The following MSRA variants were observed in gnomAD, a reference collection of about 807,000 sequenced individuals.
MSRA encodes the protein methionine sulfoxide reductase A.
MSRA carries 54 observed loss-of-function variants against 31.3 expected under a neutral mutation model. That is an observed-to-expected ratio of 1.73 (90% CI 1.39 to 2.17). MSRA has a LOEUF of 2.17. MSRA is among the 30% of genes most tolerant of loss of function. The pLI, the probability that MSRA is intolerant of heterozygous loss-of-function variation, is 0.00. For missense variants in MSRA, 507 were observed against 300.9 expected (o/e 1.69, Z -5.07); for synonymous variants, 169 against 116.5 (o/e 1.45, Z -2.90).
rs77770926 is a variant in MSRA at position 10,182,723 on chromosome 8, G to T, written c.143-25110G>T. 6.4e-3 allele frequency among the ~76,000 whole-genome samples: 975 copies of T among 152,250 alleles called. 10 individuals carry two copies. Among genetic ancestry groups the T allele is most frequent in the Non-Finnish European group, 0.011 (776 of 68,002 alleles). Reference sequence around the variant, plus strand: ...GGCTCAGGGCCTCATTTCCTTGCTGGCCATCGCCTGGAGGCCACACCCAGT... The same window carrying T: ...GGCTCAGGGCCTCATTTCCTTGCTGTCCATCGCCTGGAGGCCACACCCAGT... On this transcript the variant is annotated intron_variant, in intron 1 of 5. Transcript: ENST00000317173.
chr8:10,073,262 A>G (rs1797831793), intron 1 of MSRA, among the ~76,000 whole-genome samples: 1 of 152,146 alleles, frequency 6.6e-6, no homozygotes, highest in South Asian at 2.1e-4. Flanking sequence ...TTTTTTGCAG[A>G]TGCTGTTTAT....
intron 2 of MSRA, among the ~76,000 whole-genome samples, chr8:10,222,127 A>G (rs4840467): frequency 0.69 from 104,819 of 151,714 alleles, 37,231 homozygotes; most frequent in East Asian, 1. Context: ...AAGATGGCAT[A>G]TTTAGGTTGG....
intron 5 of MSRA, among the ~76,000 whole-genome samples, chr8:10,323,378 A>G (rs921427306): frequency 1.3e-5 from 2 of 152,178 alleles, no homozygotes; most frequent in African/African-American, 4.8e-5. Context: ...GAGTAATACC[A>G]AGCGACTCTG....
At chr8:10,155,575 A>G (rs1002207448) in intron 1 of MSRA, among the ~76,000 whole-genome samples, 14 of 152,188 alleles carry the variant, frequency 9.2e-5, no homozygotes, top group East Asian at 1.9e-4. Context: ...TCTTTCCACT[A>G]GAAGAAACCA....
chr8:10,308,552 T>A (rs1346072170), intron 4 of MSRA, among the ~76,000 whole-genome samples: 3 of 152,250 alleles, frequency 2.0e-5, no homozygotes, highest in Non-Finnish European at 4.4e-5. Context: ...TAAAGCACTT[T>A]GCCGGTTGCC....
intron 2 of MSRA, among the ~76,000 whole-genome samples, chr8:10,230,800 T>C (rs753619286): frequency 9.9e-5 from 15 of 152,166 alleles, no homozygotes; most frequent in African/African-American, 2.2e-4. Flanking sequence ...GTGGTTTTAA[T>C]TGAGATGGAG....
At chr8:10,350,215 A>T (rs1804040021) in intron 5 of MSRA, among the ~76,000 whole-genome samples, 1 of 152,230 alleles carries the variant, frequency 6.6e-6, no homozygotes, top group African/African-American at 2.4e-5. Flanking sequence ...TCTCACAAAG[A>T]CACCTGCTTT....
chr8:10,086,520 C>T (rs368188411), intron 1 of MSRA, among the ~76,000 whole-genome samples: 7 of 152,168 alleles, frequency 4.6e-5, no homozygotes, highest in African/African-American at 1.7e-4. Flanking sequence ...ATATATGAAT[C>T]TGATGGTCTG....
chr8:10,133,194 C>A (rs537669457), intron 1 of MSRA, among the ~76,000 whole-genome samples: 1 of 152,124 alleles, frequency 6.6e-6, no homozygotes, highest in East Asian at 1.9e-4. Context: ...GTGAGGGTGG[C>A]TGGAGACAGG....
chr8:10,350,506 T>C (rs1804061415), intron 5 of MSRA, among the ~76,000 whole-genome samples: 1 of 152,218 alleles, frequency 6.6e-6, no homozygotes, highest in South Asian at 2.1e-4. Flanking sequence ...CCAGTGAATC[T>C]ACTATTAAGA....
chr8:10,425,319 G>T (rs890844257), intron 5 of MSRA, among the ~76,000 whole-genome samples: 5 of 152,216 alleles, frequency 3.3e-5, no homozygotes, highest in Non-Finnish European at 7.3e-5. Context: ...GCTCGCCTTG[G>T]AGGTTTTTCT....
intron 1 of MSRA, among the ~76,000 whole-genome samples, chr8:10,114,370 G>A (rs1378066451): frequency 6.6e-6 from 1 of 152,094 alleles, no homozygotes; most frequent in African/African-American, 2.4e-5. Flanking sequence ...GAATTTTTGG[G>A]CCATTTGGCA....
intron 4 of MSRA, among the ~76,000 whole-genome samples, chr8:10,319,626 G>A (rs890790706): frequency 6.6e-6 from 1 of 151,384 alleles, no homozygotes; most frequent in Non-Finnish European, 1.5e-5. Flanking sequence ...AGAACATCTA[G>A]TATGATCCAA....
intron 5 of MSRA, chr8:10,353,802 T>C: frequency 3.2e-6 from 1 of 314,506 alleles, no homozygotes; most frequent in South Asian, 2.7e-5. Flanking sequence ...AAGACAGTAA[T>C]AAACATAGAG....
chr8:10,181,020 G>A (rs904529652), intron 1 of MSRA, among the ~76,000 whole-genome samples: 2 of 152,116 alleles, frequency 1.3e-5, no homozygotes, highest in Non-Finnish European at 2.9e-5. Context: ...CAAATCCACC[G>A]TTAACCCATC....
intron 5 of MSRA, among the ~76,000 whole-genome samples, chr8:10,391,795 A>C (rs1213833865): frequency 6.6e-6 from 1 of 152,190 alleles, no homozygotes; most frequent in African/African-American, 2.4e-5. Context: ...CATTTGTCCC[A>C]CGTGAAGGGC....
chr8:10,328,027 A>ATTTTTT (rs35940076), intron 5 of MSRA, among the ~76,000 whole-genome samples: 873 of 65,296 alleles, frequency 0.013, 121 homozygotes, highest in African/African-American at 0.056. Flanking sequence ...CTCTATGGTA[A>ATTTTTT]TTTTTTTTTT....
At chr8:10,332,465 C>T (rs999134095) in intron 5 of MSRA, among the ~76,000 whole-genome samples, 1 of 151,132 alleles carries the variant, frequency 6.6e-6, no homozygotes, top group African/African-American at 2.5e-5. Context: ...CCCTCCCCAC[C>T]GTATGCCTAG....
At chr8:10,151,986 C>T (rs997579231) in intron 1 of MSRA, among the ~76,000 whole-genome samples, 11 of 152,120 alleles carry the variant, frequency 7.2e-5, no homozygotes, top group Admixed American at 6.6e-4. Flanking sequence ...CAATTTATTG[C>T]GTCTGTTTTA....
Sources: gnomAD v4.1 joint callset for allele counts (sites outside exome capture counted in the v4.1 genomes callset) on GRCh38, gnomAD v4.1.1 for gene constraint, MANE v1.5 for transcripts, NCBI Gene and HGNC (gene_info 2026-07-23, HGNC 2026-07-21) for gene names.